Variants in ABCC5 observed in about 807,000 individuals in gnomAD.
ABCC5 encodes ATP binding cassette subfamily C member 5.
ABCC5 carries 61 observed loss-of-function variants against 160.9 expected under a neutral mutation model. The ratio of observed to expected loss-of-function variants is 0.38; its 90% confidence interval spans 0.31 to 0.47. The LOEUF (loss-of-function observed/expected upper bound fraction) is 0.47, where lower values mean the gene tolerates loss of function less well. Among genes scored for constraint, ABCC5 ranks in the 20% least tolerant of loss-of-function variants. The pLI, the probability that ABCC5 is intolerant of heterozygous loss-of-function variation, is 0.99. For synonymous variants in ABCC5, 666 were observed against 700.6 expected, an observed-to-expected ratio of 0.95 and a Z score of 0.78; for missense variants, 1,308 against 1,813.3, an observed-to-expected ratio of 0.72 and a Z score of 5.06.
intron 17 of ABCC5, among the ~76,000 whole-genome samples, chr3:183,957,410 C>T (rs1716179765): frequency 7.4e-6 from 1 of 134,692 alleles, no homozygotes; most frequent in Non-Finnish European, 1.6e-5. Context: ...GTGTGTATAT[C>T]ACATCGGTTA....
At chr3:183,998,450 A>G (rs1247980603) in intron 2 of ABCC5, among the ~76,000 whole-genome samples, 1 of 152,224 alleles carries the variant, frequency 6.6e-6, no homozygotes, top group African/African-American at 2.4e-5. Context: ...GAAAATTTAT[A>G]CAAATTTATA....
intron 8 of ABCC5, among the ~76,000 whole-genome samples, chr3:183,981,459 C>T (rs754692021): frequency 9.2e-5 from 14 of 152,102 alleles, no homozygotes; most frequent in East Asian, 1.9e-4. Context: ...CAGGGGGCTT[C>T]GAAACTGGAT....
In ABCC5 at chr3:184,014,321, G is replaced by C; in HGVS notation, c.72C>G (p.Thr24=). ...GGTCTCTGTGCGTCCCAGAAGTGCT[G>C]GTTCTCTCCCTCACACTTCTATACC... ...SPGYRSVRER[T]STSGTHRDRE... is the part of the protein sequence containing the mutation. The change falls in exon 2 of 30, where the codon ACC becomes ACG. Residue 24 remains threonine, a synonymous_variant. Transcript: ENST00000334444. 1 of 1,613,932 alleles carries C rather than the reference G, an allele frequency of 6.2e-7. No individual in the cohort carries two copies. Among genetic ancestry groups the C allele is most frequent in the African/African-American group, 1.3e-5 (1 of 74,998 alleles).
intron 2 of ABCC5, among the ~76,000 whole-genome samples, chr3:183,994,398 C>T (rs1046588317): frequency 3.3e-5 from 5 of 151,802 alleles, no homozygotes; most frequent in Non-Finnish European, 5.9e-5. Context: ...ACCCCCAAGA[C>T]GGAGTCTTGA....
rs543234387 is a variant in ABCC5, at chr3:183,982,228, G to T, written c.999+223C>A. 6.6e-6 allele frequency among the ~76,000 whole-genome samples: 1 copy of T among 152,188 alleles called. No homozygotes were observed. Among genetic ancestry groups the T allele is most frequent in the South Asian group, 2.1e-4 (1 of 4,808 alleles). Reference sequence around the variant, plus strand: ...TCAAGTGGGACAGGGTTCACCAGCTGACCTTCTCATTCAGACTCTCTTTCA... The same window carrying T: ...TCAAGTGGGACAGGGTTCACCAGCTTACCTTCTCATTCAGACTCTCTTTCA... On this transcript the variant is annotated intron_variant, in intron 7 of 29. Coordinates refer to ENST00000334444, the MANE Select transcript of ABCC5 (RefSeq NM_005688.4). This position sits in a 1 kb window ranked among gnomAD's most constrained non-coding sequence, Gnocchi z 5.2.
At chr3:183,925,912 C>T (rs1466806546) in intron 28 of ABCC5, among the ~76,000 whole-genome samples, 193 bp from the exon 29 acceptor site, 2 of 148,388 alleles carry the variant, frequency 1.3e-5, no homozygotes, top group African/African-American at 2.5e-5. Context: ...AATCTCGGCT[C>T]ACTGCAAGCT....
At chr3:184,001,426 C>T (rs1720734725) in intron 2 of ABCC5, among the ~76,000 whole-genome samples, 2 of 152,102 alleles carry the variant, frequency 1.3e-5, no homozygotes, top group African/African-American at 4.8e-5. Context: ...ATGCTTACAG[C>T]ACATCTCAGT....
chr3:184,017,627 C>A lies in ABCC5; in HGVS notation c.-56+203G>T, dbSNP rs935314979. Among the ~76,000 whole-genome samples, 1 of 152,192 alleles carries A rather than the reference C, an allele frequency of 6.6e-6. No homozygotes were observed. Among genetic ancestry groups the A allele is most frequent in the South Asian group, 2.1e-4 (1 of 4,832 alleles). ...CTGCCTGTCTTCCAGCACACGACCC[C>A]GTCACCAGACCCCGGGCTCACAGGC... On this transcript the variant is annotated intron_variant, in intron 1 of 29. Transcript: ENST00000334444. The surrounding 1 kb of genome is among the most constrained non-coding windows in gnomAD (Gnocchi z 4.5).
At chr3:183,925,386 T>C (rs1712433944) in intron 29 of ABCC5, among the ~76,000 whole-genome samples, 169 bp downstream of exon 29, 1 of 152,158 alleles carries the variant, frequency 6.6e-6, no homozygotes, top group African/African-American at 2.4e-5. Flanking sequence ...GGTGCCTGAG[T>C]AATCTTGTGA....
intron 12 of ABCC5, among the ~76,000 whole-genome samples, chr3:183,967,145 T>A (rs542252625): frequency 6.6e-6 from 1 of 152,038 alleles, no homozygotes; most frequent in African/African-American, 2.4e-5. Context: ...CGCTGTTCAC[T>A]CCCTGCCTGG....
At position 183,927,322 on chromosome 3, in the gene ABCC5, T is replaced by G. The variant is rs1410483011; in HGVS notation, c.4047+8A>C. 1 of 1,612,576 alleles carries G rather than the reference T, an allele frequency of 6.2e-7. No individual in the cohort carries two copies. Among genetic ancestry groups the G allele is most frequent in the Admixed American group, 1.7e-5 (1 of 59,932 alleles). On this transcript the variant is annotated splice_region_variant and intron_variant, in intron 28 of 29. Coordinates refer to ENST00000334444, the MANE Select transcript of ABCC5 (RefSeq NM_005688.4). ...TTCTCTGCTGCTGCCAACCCCAAACTGCCTTACCTTACAGTGGCGGAGCAG... is the reference window on the plus strand; with the variant it reads ...TTCTCTGCTGCTGCCAACCCCAAACGGCCTTACCTTACAGTGGCGGAGCAG...
chr3:183,989,865 C>T (rs1055003626), intron 2 of ABCC5, among the ~76,000 whole-genome samples: 7 of 151,544 alleles, frequency 4.6e-5, no homozygotes, highest in Admixed American at 6.6e-5. Context: ...AGTGCAGTGG[C>T]GCAATCTCGG....
intron 17 of ABCC5, among the ~76,000 whole-genome samples, chr3:183,953,595 G>C (rs1295000980): frequency 6.6e-6 from 1 of 152,154 alleles, no homozygotes; most frequent in Non-Finnish European, 1.5e-5. Context: ...TCAATGTGAT[G>C]ATAGAGCTAT....
At chr3:183,977,674 G>A (rs1718341106) in intron 9 of ABCC5, 50 bp from the exon 10 acceptor site, 2 of 1,310,512 alleles carry the variant, frequency 1.5e-6, no homozygotes, top group South Asian at 1.2e-5. Flanking sequence ...CTATGCAACT[G>A]AAGTAACCTG....
intron 17 of ABCC5, among the ~76,000 whole-genome samples, chr3:183,957,138 G>GATTTGTGTGTATATCACATCT (rs1560005380): frequency 3.7e-4 from 33 of 89,106 alleles, no homozygotes; most frequent in African/African-American, 1.3e-3. Context: ...GGTTACATGC[G>GATTTGTGTGTATATCACATCT]GGTCCGTGTG....
intron 5 of ABCC5, chr3:183,985,256 A>T (rs925590838): frequency 9.2e-5 from 134 of 1,457,996 alleles, no homozygotes; most frequent in Non-Finnish European, 1.2e-4. Flanking sequence ...CTGTTAGCAT[A>T]GCTGTCTGGC....
intron 2 of ABCC5, among the ~76,000 whole-genome samples, chr3:184,008,050 G>C (rs1227077577): frequency 6.6e-6 from 1 of 152,104 alleles, no homozygotes; most frequent in Non-Finnish European, 1.5e-5. Context: ...AGAGTTCCCT[G>C]AGAGAGAAGC....
At chr3:183,940,508 T>C (rs569015148) in intron 25 of ABCC5, among the ~76,000 whole-genome samples, 1 of 140,654 alleles carries the variant, frequency 7.1e-6, no homozygotes, top group Admixed American at 7.3e-5. Context: ...CTGTTCAGGG[T>C]TGGGGGACTC....
intron 29 of ABCC5, among the ~76,000 whole-genome samples, chr3:183,923,794 T>G (rs1411015824): frequency 6.6e-6 from 1 of 152,102 alleles, no homozygotes; most frequent in African/African-American, 2.4e-5. Context: ...CAAAAAACAC[T>G]AGTGTGAAAA....
Sources: gnomAD v4.1 joint callset for allele counts (sites outside exome capture counted in the v4.1 genomes callset) on GRCh38, gnomAD v4.1.1 for gene constraint, Gnocchi (gnomAD v3.1) non-coding constraint, MANE v1.5 for transcripts, NCBI Gene and HGNC (gene_info 2026-07-23, HGNC 2026-07-21) for gene names.